The following CACNA1C variants were observed in gnomAD, a reference collection of about 807,000 sequenced individuals.
The protein encoded by CACNA1C is calcium voltage-gated channel subunit alpha1 C, also known as voltage-dependent L-type calcium channel subunit alpha-1C.
Under a neutral mutation model 229.0 loss-of-function variants are expected in CACNA1C, and 30 were observed. The observed-to-expected ratio is 0.13, with a 90% CI of 0.10 to 0.18. The LOEUF (loss-of-function observed/expected upper bound fraction) is 0.18, where lower values mean the gene tolerates loss of function less well. Among genes scored for constraint, CACNA1C ranks in the 10% least tolerant of loss-of-function variants. The pLI is 1.00. For missense variants in CACNA1C, 1,658 were observed against 2,845.0 expected (o/e 0.58, Z 9.49); for synonymous variants, 1,114 against 1,132.5 (o/e 0.98, Z 0.33).
intron 7 of CACNA1C, among the ~76,000 whole-genome samples, chr12:2,501,848 T>C (rs1484578196): frequency 6.6e-6 from 1 of 152,252 alleles, no homozygotes; most frequent in Non-Finnish European, 1.5e-5. Flanking sequence ...CCGCCTCTCC[T>C]AACAGATGCT....
At chr12:2,151,550 A>C (rs2095268451) in intron 3 of CACNA1C, among the ~76,000 whole-genome samples, 1 of 152,208 alleles carries the variant, frequency 6.6e-6, no homozygotes, top group Non-Finnish European at 1.5e-5. Flanking sequence ...CATACATTTC[A>C]GTAGCCAGGC....
At chr12:2,349,188 T>C (rs1003680498) in intron 3 of CACNA1C, among the ~76,000 whole-genome samples, 7 of 152,182 alleles carry the variant, frequency 4.6e-5, no homozygotes, top group Non-Finnish European at 2.9e-5. Flanking sequence ...CATGTTCCCA[T>C]GGACTGGAAA....
In CACNA1C at chr12:2,493,184, T is replaced by C. The variant is rs2099739954; in HGVS notation, c.917-6T>C. The C allele has an allele frequency of 6.2e-7, 1 of 1,612,306 alleles. No homozygotes were observed. Among genetic ancestry groups the C allele is most frequent in the Admixed American group, 1.7e-5 (1 of 59,984 alleles). ...CCCGTCTCCTGTCTTCTTCTGGCCA[T>C]TTGAGATGTTCCAGCAGAAGATGAC... On this transcript the variant is annotated splice_polypyrimidine_tract_variant and splice_region_variant and intron_variant, in intron 6 of 46. Coordinates refer to ENST00000399655, the MANE Select transcript of CACNA1C (RefSeq NM_000719.7). This position sits in a 1 kb window ranked among gnomAD's most constrained non-coding sequence, Gnocchi z 4.6.
chr12:2,555,805 A>AT (rs1391500763), intron 10 of CACNA1C, among the ~76,000 whole-genome samples: 66 of 152,138 alleles, frequency 4.3e-4, no homozygotes, highest in Admixed American at 4.3e-3. Flanking sequence ...TTCTGGCTTA[A>AT]TTTTTTTAAT....
At position 2,479,905 on chromosome 12, in the gene CACNA1C, G is replaced by C. The variant is rs2099665959; in HGVS notation, c.758-6199G>C. On this transcript the variant is annotated intron_variant, in intron 5 of 46. Coordinates refer to ENST00000399655, the MANE Select transcript of CACNA1C (RefSeq NM_000719.7). This position sits in a 1 kb window ranked among gnomAD's most constrained non-coding sequence, Gnocchi z 4.3. The stretch of plus-strand genomic sequence containing the variant: ...CGCAGCCCTCTCTTCTGTTGGATTG[G>C]GTCGCTGAGAAGTTGTGGTTAAGAT... Among the ~76,000 whole-genome samples the C allele has an allele frequency of 6.6e-6, 1 of 152,132 alleles. No homozygotes were observed. Among genetic ancestry groups the C allele is most frequent in the Admixed American group, 6.5e-5 (1 of 15,278 alleles).
At chr12:1,993,855 G>A (rs2040139672) in intron 1 of CACNA1C, among the ~76,000 whole-genome samples, 2 of 152,132 alleles carry the variant, frequency 1.3e-5, no homozygotes, top group African/African-American at 4.8e-5. Context: ...AAAATTTTAA[G>A]TGTTAGTCTG....
intron 3 of CACNA1C, among the ~76,000 whole-genome samples, chr12:2,439,092 T>C (rs1466544119): frequency 1.3e-5 from 2 of 152,088 alleles, no homozygotes; most frequent in Non-Finnish European, 2.9e-5. Context: ...CTTGGAGAGT[T>C]TGGGGCTGTG....
At chr12:2,464,784 C>T (rs965183716) in intron 5 of CACNA1C, among the ~76,000 whole-genome samples, 5 of 152,228 alleles carry the variant, frequency 3.3e-5, no homozygotes, top group African/African-American at 1.2e-4. Flanking sequence ...AGAAGGAGCA[C>T]TGAGGACCAT....
intron 3 of CACNA1C, among the ~76,000 whole-genome samples, chr12:2,396,897 C>G (rs1284607426): frequency 6.6e-6 from 1 of 152,234 alleles, no homozygotes; most frequent in Non-Finnish European, 1.5e-5. Context: ...GGCTGGAGGC[C>G]CAGGGCAGGC....
chr12:2,595,541 T>A lies in CACNA1C; in HGVS notation c.2664-333T>A, dbSNP rs575647317. 1.3e-5 allele frequency among the ~76,000 whole-genome samples: 2 copies of A among 152,260 alleles called. No homozygotes were observed. Among genetic ancestry groups the A allele is most frequent in the South Asian group, 2.1e-4 (1 of 4,828 alleles). On this transcript the variant is annotated intron_variant, in intron 19 of 46. Coordinates refer to ENST00000399655, the MANE Select transcript of CACNA1C (RefSeq NM_000719.7). The surrounding 1 kb of genome is among the most constrained non-coding windows in gnomAD (Gnocchi z 4.1). ...GCCTTATGCATAAGCATAGAGTTGA[T>A]CTCATAAAGTGATTTCTTTTCAATG...
intron 18 of CACNA1C, among the ~76,000 whole-genome samples, chr12:2,590,457 A>G (rs1210957686): frequency 6.6e-6 from 1 of 152,150 alleles, no homozygotes; most frequent in Admixed American, 6.5e-5. Flanking sequence ...CAACCCCAAA[A>G]TGAGCCTTGC....
In CACNA1C at chr12:2,605,666, C is replaced by T. The variant is rs749065737; in HGVS notation, c.3049-13C>T. ...TGAAGCCACGTCCCTCTCCCCGTCC[C>T]TTCCCACTGCAGCATGTGGTTCAGT... On this transcript the variant is annotated splice_polypyrimidine_tract_variant and intron_variant, in intron 23 of 46. Transcript: ENST00000399655. This position sits in a 1 kb window ranked among gnomAD's most constrained non-coding sequence, Gnocchi z 6.2. 3.7e-6 allele frequency: 6 copies of T among 1,604,188 alleles called. No individual in the cohort carries two copies. Among genetic ancestry groups the T allele is most frequent in the Middle Eastern group, 1.7e-4 (1 of 6,044 alleles).
At position 2,664,961 on chromosome 12, in the gene CACNA1C, A is replaced by C; in HGVS notation, c.4369A>C (p.Ile1457Leu). 6.2e-7 allele frequency: 1 copy of C among 1,614,206 alleles called. No homozygotes were observed. Among genetic ancestry groups the C allele is most frequent in the Non-Finnish European group, 8.5e-7 (1 of 1,180,020 alleles). The change falls in exon 35 of 47, where the codon ATC becomes CTC. Residue 1457 changes from isoleucine (I) to leucine (L), a missense_variant. Coordinates refer to ENST00000399655, the MANE Select transcript of CACNA1C (RefSeq NM_000719.7). Reference protein sequence around the residue: ...CGSSFAVFYFISFYMLCAFLI... With the variant: ...CGSSFAVFYFLSFYMLCAFLI... ...TAGCAGCTTTGCTGTCTTCTACTTC[A>C]TCAGCTTCTACATGCTCTGTGCCTT...
chr12:2,388,306 CTA>C (rs2098428104), intron 3 of CACNA1C, among the ~76,000 whole-genome samples: 1 of 152,192 alleles, frequency 6.6e-6, no homozygotes, highest in South Asian at 2.1e-4. Flanking sequence ...ACACAATTTG[CTA>C]TGTGTGGTGG....
At chr12:2,123,167 G>A (rs1565835618) in intron 3 of CACNA1C, among the ~76,000 whole-genome samples, 1 of 152,110 alleles carries the variant, frequency 6.6e-6, no homozygotes, top group East Asian at 1.9e-4. Context: ...ATGAGGTCAG[G>A]AGATCGAGAC....
chr12:2,182,834 C>T (rs1475870752), intron 3 of CACNA1C, among the ~76,000 whole-genome samples: 3 of 152,068 alleles, frequency 2.0e-5, no homozygotes, highest in South Asian at 2.1e-4. Flanking sequence ...AGGGAAGGGG[C>T]GCGTGTGCAG....
intron 3 of CACNA1C, among the ~76,000 whole-genome samples, chr12:2,297,637 T>C (rs2094173217): frequency 6.6e-6 from 1 of 152,196 alleles, no homozygotes; most frequent in Admixed American, 6.5e-5. Context: ...CAAGTGATAC[T>C]GTGACATCGA....
chr12:1,991,257 G>A, intron 1 of CACNA1C: 1 of 455,132 alleles, frequency 2.2e-6, no homozygotes, highest in Non-Finnish European at 4.4e-6. Flanking sequence ...CTGCAAAATG[G>A]CAATGAAAAT....
At chr12:2,338,961 T>TC (rs1440709536) in intron 3 of CACNA1C, among the ~76,000 whole-genome samples, 1 of 152,144 alleles carries the variant, frequency 6.6e-6, no homozygotes, top group African/African-American at 2.4e-5. Context: ...GAAAAATGCT[T>TC]CCCCCCATAT....
Sources: allele counts gnomAD v4.1 joint callset (sites outside exome capture counted in the v4.1 genomes callset), GRCh38; gene constraint gnomAD v4.1.1; non-coding constraint Gnocchi (gnomAD v3.1); transcripts MANE v1.5; gene names NCBI Gene and HGNC (gene_info 2026-07-23, HGNC 2026-07-21).